Variants in HACE1 observed in about 807,000 individuals in gnomAD.
HACE1 encodes HECT domain and ankyrin repeat containing E3 ubiquitin protein ligase 1.
A neutral mutation model predicts 118.4 loss-of-function variants in HACE1; 73 were observed. The observed-to-expected ratio is 0.62, with a 90% CI of 0.51 to 0.75. The LOEUF (loss-of-function observed/expected upper bound fraction) is 0.75. HACE1 is among the 30% of genes least tolerant of loss of function. The probability of loss-of-function intolerance (pLI) is 0.00; values close to 1 mark genes in which losing one functional copy is unlikely to be tolerated. For synonymous variants in HACE1, 368 were observed against 374.8 expected (o/e 0.98, Z 0.21); for missense variants, 749 against 1,102.2 (o/e 0.68, Z 4.54).
Position 104,839,699 on chromosome 6 carries a change from C to T in HACE1, c.402+3524G>A, listed in dbSNP as rs116219390. Among the ~76,000 whole-genome samples the T allele has an allele frequency of 7.7e-3, 1,179 of 152,178 alleles. 15 individuals carry two copies. The highest frequency in any genetic ancestry group is 0.026 in the African/African-American group (1,063 of 41,506). On this transcript the variant is annotated intron_variant, in intron 5 of 23. Transcript: ENST00000262903. Reference sequence around the variant, plus strand: ...AACTTAAAATACATAAACATACACACACACATACAATTAAAACTGAGGAAG... The same window carrying T: ...AACTTAAAATACATAAACATACACATACACATACAATTAAAACTGAGGAAG...
At chr6:104,781,920 C>T (rs1562356597) in intron 14 of HACE1, among the ~76,000 whole-genome samples, 1 of 152,142 alleles carries the variant, frequency 6.6e-6, no homozygotes, top group Non-Finnish European at 1.5e-5. Flanking sequence ...AAGTGGATAC[C>T]TAATACAGAT....
intron 19 of HACE1, 106 bp downstream of exon 19, chr6:104,771,087 G>A (rs948563669): frequency 3.6e-5 from 28 of 787,920 alleles, no homozygotes; most frequent in Non-Finnish European, 6.1e-5. Context: ...CTATGATACT[G>A]TAATAGTAAA....
chr6:104,850,505 A>G (rs1280608716), intron 3 of HACE1, among the ~76,000 whole-genome samples: 1 of 152,248 alleles, frequency 6.6e-6, no homozygotes, highest in Non-Finnish European at 1.5e-5. Context: ...CTGATTGATT[A>G]CATACCAGGA....
rs751394124 is a variant in HACE1, at chr6:104,796,606, GCAGGAATAAAGCTT to G, written c.816+35_816+48del. 14 of 920,034 alleles carry G rather than the reference GCAGGAATAAAGCTT, an allele frequency of 1.5e-5. 2 individuals are homozygous for G. The South Asian group carries it at 1.8e-4, about 12-fold the overall frequency. 57.0% of individuals were successfully genotyped at this position (920,034 alleles called of 1,614,324 possible). On this transcript the variant is annotated intron_variant, in intron 9 of 23. Coordinates refer to ENST00000262903, the MANE Select transcript of HACE1 (RefSeq NM_020771.4). ...ATTTGTAAAATGTCATATATGCTGA[GCAGGAATAAAGCTT>G]CTTCATTTACAAGCTACTATCACAA...
chr6:104,774,024 C>G (rs117086465), intron 17 of HACE1, among the ~76,000 whole-genome samples: 6,962 of 150,300 alleles, frequency 0.046, 225 homozygotes, highest in Non-Finnish European at 0.073. Flanking sequence ...AGCATTTTCA[C>G]ATATCAGCTA....
intron 19 of HACE1, among the ~76,000 whole-genome samples, chr6:104,768,434 G>A (rs1021123164): frequency 2.6e-5 from 4 of 151,976 alleles, no homozygotes; most frequent in Non-Finnish European, 5.9e-5. Context: ...AAATTTTAAA[G>A]TAACATTTTG....
At chr6:104,827,707 A>T (rs1384846328) in intron 6 of HACE1, among the ~76,000 whole-genome samples, 1 of 152,136 alleles carries the variant, frequency 6.6e-6, no homozygotes, top group African/African-American at 2.4e-5. Flanking sequence ...TTTTCAATTA[A>T]GTTTACATGG....
At chr6:104,854,415 T>A (rs1449433097) in intron 1 of HACE1, among the ~76,000 whole-genome samples, 2 of 152,238 alleles carry the variant, frequency 1.3e-5, no homozygotes, top group African/African-American at 4.8e-5. Context: ...GTACAAGATG[T>A]TAACCTTAGG....
intron 2 of HACE1, among the ~76,000 whole-genome samples, chr6:104,851,372 C>G (rs1279137272): frequency 6.6e-6 from 1 of 152,112 alleles, no homozygotes; most frequent in Non-Finnish European, 1.5e-5. Context: ...GTGAGCCACC[C>G]CACCCGGCCT....
At chr6:104,741,374 C>T (rs1224879948) in intron 22 of HACE1, among the ~76,000 whole-genome samples, 2 of 151,024 alleles carry the variant, frequency 1.3e-5, no homozygotes, top group African/African-American at 2.5e-5. Flanking sequence ...CAAATTGTCC[C>T]TGTTTGCAGA....
intron 6 of HACE1, among the ~76,000 whole-genome samples, chr6:104,816,016 T>G (rs1332734320): frequency 2.0e-5 from 3 of 149,972 alleles, no homozygotes; most frequent in Non-Finnish European, 4.4e-5. Flanking sequence ...GAGATTGCAG[T>G]GAGCCGAGAT....
At chr6:104,827,231 A>C (rs1285223898) in intron 6 of HACE1, among the ~76,000 whole-genome samples, 1 of 152,218 alleles carries the variant, frequency 6.6e-6, no homozygotes, top group Non-Finnish European at 1.5e-5. Context: ...AAAGGAATAG[A>C]TATTCAATGA....
intron 7 of HACE1, among the ~76,000 whole-genome samples, chr6:104,809,002 C>A (rs1771316982): frequency 6.6e-6 from 1 of 152,154 alleles, no homozygotes. Flanking sequence ...ATCCTTCTGC[C>A]ATATCCCTAA....
rs755135755 is a variant in HACE1, at chr6:104,771,973, G to A, written c.1966C>T (p.Gln656Ter). ...QILGLALNHR[Q>*]LVNIYFTRSF... is the part of the protein sequence containing the mutation. ...CGTGTGAAGTAAATATTGACCAGCT[G>A]CCTGTGGTTCAACGCTAATCCCAAG... Residue 656 changes from glutamine to a stop codon, truncating the protein, a stop_gained, in exon 18 of 24, where the codon CAG (glutamine) becomes TAG (stop). Coordinates refer to ENST00000262903, the MANE Select transcript of HACE1 (RefSeq NM_020771.4). LOFTEE classifies it high-confidence loss of function. 6.2e-7 allele frequency: 1 copy of A among 1,607,916 alleles called. No homozygotes were observed. The highest frequency in any genetic ancestry group is 8.5e-7 in the Non-Finnish European group (1 of 1,174,546).
intron 6 of HACE1, among the ~76,000 whole-genome samples, chr6:104,822,931 A>C (rs1015390285): frequency 2.0e-5 from 3 of 152,232 alleles, no homozygotes; most frequent in Non-Finnish European, 4.4e-5. Context: ...CAATATAAAA[A>C]CAATTTATTC....
rs1359143300 is a variant in HACE1, at chr6:104,785,092, T to C, written c.1302A>G (p.Arg434=). ...RESKPDALAG[R]QEASADCQDV... is the part of the protein sequence containing the mutation. ...CCTGACAATCTGCACTGGCTTCCTGTCTCCCTGCAAGAGCATCTGGTTTAG... is the reference window on the plus strand; with the variant it reads ...CCTGACAATCTGCACTGGCTTCCTGCCTCCCTGCAAGAGCATCTGGTTTAG... The change falls in exon 12 of 24, where the codon AGA becomes AGG. Residue 434 remains arginine, a synonymous_variant. Transcript: ENST00000262903. The C allele has an allele frequency of 1.9e-6, 3 of 1,613,810 alleles. No individual in the cohort carries two copies. In the South Asian group the frequency reaches 3.3e-5, roughly 18 times the overall value.
In HACE1 at chr6:104,850,898, T is replaced by C; in HGVS notation, c.221+9A>G. On this transcript the variant is annotated intron_variant, in intron 3 of 23. Coordinates refer to ENST00000262903, the MANE Select transcript of HACE1 (RefSeq NM_020771.4). Reference sequence around the variant, plus strand: ...ATCAGAGTTTAACTCAAAATATCTTTAGTCTTACTTTGCTGCAATGTGAAG... The same window carrying C: ...ATCAGAGTTTAACTCAAAATATCTTCAGTCTTACTTTGCTGCAATGTGAAG... 6.6e-7 allele frequency: 1 copy of C among 1,516,944 alleles called. No individual in the cohort carries two copies. Among genetic ancestry groups the C allele is most frequent in the Non-Finnish European group, 9.2e-7 (1 of 1,091,324 alleles). 94.0% of individuals were successfully genotyped at this position (1,516,944 alleles called of 1,614,324 possible).
chr6:104,849,685 G>A (rs1280662774), intron 3 of HACE1, among the ~76,000 whole-genome samples: 2 of 141,686 alleles, frequency 1.4e-5, no homozygotes, highest in Non-Finnish European at 3.0e-5. Context: ...AGTCTCGCAT[G>A]TCACCCAGGC....
Position 104,729,331 on chromosome 6 carries a change from GT to G in HACE1, c.*330del, listed in dbSNP as rs1774960681. On this transcript the variant is annotated 3_prime_UTR_variant, in exon 24 of 24. Coordinates refer to ENST00000262903, the MANE Select transcript of HACE1 (RefSeq NM_020771.4). ...GAGAAAACACCCTTTTAACAAGACAGTTACATAGCAGAGGTGGAATGTAGAA... is the reference window on the plus strand; with the variant it reads ...GAGAAAACACCCTTTTAACAAGACAGTACATAGCAGAGGTGGAATGTAGAA... 1 of 285,658 alleles carries G rather than the reference GT, an allele frequency of 3.5e-6. No individual in the cohort carries two copies. The highest frequency in any genetic ancestry group is 4.9e-5 in the Admixed American group (1 of 20,586). The allele number at this position is 285,658 out of a possible 1,614,324, so 17.7% of individuals were successfully genotyped here.
Sources: allele counts gnomAD v4.1 joint callset (sites outside exome capture counted in the v4.1 genomes callset), GRCh38; gene constraint gnomAD v4.1.1; transcripts MANE v1.5; gene names NCBI Gene and HGNC (gene_info 2026-07-23, HGNC 2026-07-21).